The following CDH18 variants were observed in gnomAD, a reference collection of about 807,000 sequenced individuals.
The protein encoded by CDH18 is cadherin 18, also known as cadherin-18.
In CDH18, 31 loss-of-function variants were observed where a neutral mutation model predicts 67.9. The ratio of observed to expected loss-of-function variants is 0.46; its 90% CI spans 0.34 to 0.62. CDH18 has a LOEUF of 0.62. Among genes scored for constraint, CDH18 ranks in the 20% least tolerant of loss-of-function variants. The pLI is 0.01. For missense variants in CDH18, 890 were observed against 975.5 expected (o/e 0.91, Z 1.17); for synonymous variants, 362 against 347.2 (o/e 1.04, Z -0.48).
chr5:19,697,312 T>C (rs1362825485), intron 5 of CDH18, among the ~76,000 whole-genome samples: 3 of 152,202 alleles, frequency 2.0e-5, no homozygotes, highest in Non-Finnish European at 4.4e-5. Context: ...TAATTAGCTA[T>C]ACATCAATCT....
intron 1 of CDH18, among the ~76,000 whole-genome samples, chr5:20,565,356 G>T (rs1758442078): frequency 6.6e-6 from 1 of 152,116 alleles, no homozygotes; most frequent in African/African-American, 2.4e-5. Flanking sequence ...TAACAGCAAA[G>T]ATCCTTGCAA....
intron 1 of CDH18, among the ~76,000 whole-genome samples, chr5:20,298,403 A>T (rs1747707650): frequency 6.6e-6 from 1 of 152,166 alleles, no homozygotes; most frequent in African/African-American, 2.4e-5. Flanking sequence ...CCGGTAAAGG[A>T]ATTTCAAAAA....
At chr5:19,982,414 T>C (rs1434977732) in intron 1 of CDH18, among the ~76,000 whole-genome samples, 1 of 144,880 alleles carries the variant, frequency 6.9e-6, no homozygotes, top group Non-Finnish European at 1.5e-5. Context: ...AAAATTTTTC[T>C]GAAAATTTTT....
At chr5:20,250,213 GT>G (rs1485065678) in intron 2 of CDH18, among the ~76,000 whole-genome samples, 3 of 152,006 alleles carry the variant, frequency 2.0e-5, no homozygotes, top group Non-Finnish European at 4.4e-5. Flanking sequence ...TCCACATTTT[GT>G]TTTGTTTTGT....
chr5:19,525,791 A>AT, intron 9 of CDH18, among the ~76,000 whole-genome samples: 1 of 152,150 alleles, frequency 6.6e-6, no homozygotes, highest in Non-Finnish European at 1.5e-5. Context: ...TTGGGTCAGT[A>AT]TTTTACCCTT....
intron 1 of CDH18, among the ~76,000 whole-genome samples, chr5:20,447,501 C>G (rs944429067): frequency 2.6e-5 from 4 of 152,124 alleles, no homozygotes; most frequent in African/African-American, 7.2e-5. Flanking sequence ...ATCTTGGAAG[C>G]AGAGACCAAT....
At chr5:20,376,309 C>T (rs1743437918) in intron 1 of CDH18, among the ~76,000 whole-genome samples, 1 of 150,884 alleles carries the variant, frequency 6.6e-6, no homozygotes, top group South Asian at 2.1e-4. Context: ...AGGATGGTCT[C>T]GATTTCCTGA....
chr5:20,417,855 C>T (rs916445245), intron 1 of CDH18, among the ~76,000 whole-genome samples: 6 of 152,100 alleles, frequency 3.9e-5, no homozygotes, highest in Non-Finnish European at 8.8e-5. Context: ...TCCATTCTCC[C>T]AAATAGTTAT....
At chr5:19,844,734 G>A (rs2150048612) in intron 2 of CDH18, among the ~76,000 whole-genome samples, 1 of 152,236 alleles carries the variant, frequency 6.6e-6, no homozygotes, top group Middle Eastern at 3.4e-3. Context: ...GTATAGTGAT[G>A]GTGAGCTCTG....
intron 5 of CDH18, among the ~76,000 whole-genome samples, chr5:19,641,968 T>A (rs1418985091): frequency 2.6e-5 from 4 of 151,884 alleles, no homozygotes; most frequent in Non-Finnish European, 5.9e-5. Flanking sequence ...CAAAAAAACC[T>A]GTTGGAAATA....
intron 1 of CDH18, among the ~76,000 whole-genome samples, chr5:20,383,175 G>T (rs35594830): frequency 0.012 from 1,892 of 152,102 alleles, 22 homozygotes; most frequent in Non-Finnish European, 0.018. Context: ...AAGTAGCCTT[G>T]GGTTTTAAAT....
chr5:20,231,810 A>G (rs1015345396), intron 2 of CDH18, among the ~76,000 whole-genome samples: 4 of 152,100 alleles, frequency 2.6e-5, no homozygotes, highest in Non-Finnish European at 5.9e-5. Flanking sequence ...ACTTTGGCTT[A>G]TTGGTTTCAG....
chr5:20,173,047 T>C (rs1186145414), intron 2 of CDH18, among the ~76,000 whole-genome samples: 1 of 151,490 alleles, frequency 6.6e-6, no homozygotes, highest in Non-Finnish European at 1.5e-5. Context: ...ATAAAAGTAC[T>C]AAACACAAAC....
At chr5:19,475,037 A>T (rs985227985) in intron 12 of CDH18, among the ~76,000 whole-genome samples, 1 of 152,102 alleles carries the variant, frequency 6.6e-6, no homozygotes, top group African/African-American at 2.4e-5. Flanking sequence ...TCTAGGCTTT[A>T]TGATGGTGAT....
chr5:20,535,134 A>G (rs1052662705), intron 1 of CDH18, among the ~76,000 whole-genome samples: 1 of 152,114 alleles, frequency 6.6e-6, no homozygotes. Flanking sequence ...ATATTACTCT[A>G]TCTCTACAAA....
chr5:20,352,013 C>T (rs1041165345), intron 1 of CDH18, among the ~76,000 whole-genome samples: 7 of 152,264 alleles, frequency 4.6e-5, no homozygotes, highest in South Asian at 2.1e-4. Flanking sequence ...GTAACCTAAA[C>T]TCAAAGTAAG....
chr5:20,549,481 C>T (rs1757517992), intron 1 of CDH18, among the ~76,000 whole-genome samples: 1 of 152,000 alleles, frequency 6.6e-6, no homozygotes, highest in Non-Finnish European at 1.5e-5. Context: ...AAGAGATACT[C>T]TTAGATTTAC....
intron 11 of CDH18, among the ~76,000 whole-genome samples, chr5:19,488,591 A>T (rs1196267572): frequency 6.6e-6 from 1 of 152,176 alleles, no homozygotes; most frequent in Non-Finnish European, 1.5e-5. Context: ...AATAGAATCT[A>T]TTCATAATTT....
chr5:19,835,496 A>G (rs556939910), intron 3 of CDH18, among the ~76,000 whole-genome samples: 237 of 152,138 alleles, frequency 1.6e-3, no homozygotes, highest in South Asian at 6.4e-3. Flanking sequence ...TTTAGAAGAA[A>G]TAAAGAAAAA....
Sources: gnomAD v4.1 joint callset for allele counts (sites outside exome capture counted in the v4.1 genomes callset) on GRCh38, gnomAD v4.1.1 for gene constraint, MANE v1.5 for transcripts, NCBI Gene and HGNC (gene_info 2026-07-23, HGNC 2026-07-21) for gene names.